Variants in MGAT5 observed in about 807,000 individuals in gnomAD.
The protein encoded by MGAT5 is alpha-1,6-mannosylglycoprotein 6-beta-N-acetylglucosaminyltransferase A.
In MGAT5, 30 loss-of-function variants were observed where a neutral mutation model predicts 94.3. That is an observed-to-expected ratio of 0.32 (90% CI 0.24 to 0.43). MGAT5 has a LOEUF of 0.43. Ranked by LOEUF, MGAT5 falls within the 20% of genes least tolerant of loss-of-function variation. The pLI is 1.00. For missense variants in MGAT5, 691 were observed against 905.5 expected (o/e 0.76, Z 3.04); for synonymous variants, 310 against 322.9 (o/e 0.96, Z 0.43).
chr2:134,374,453 C>T (rs890459273), intron 10 of MGAT5, among the ~76,000 whole-genome samples: 1 of 152,140 alleles, frequency 6.6e-6, no homozygotes, highest in South Asian at 2.1e-4. Flanking sequence ...TGGGAGCAGA[C>T]TTTACAATGT....
chr2:134,241,158 T>C lies in MGAT5; in HGVS notation c.-142-13104T>C, dbSNP rs143397046. Reference sequence around the variant, plus strand: ...TGGCTGAGCATCTGTGGGTGGGCTCTGCCCATATAACCCGTGGGAGCAGGA... The same window carrying C: ...TGGCTGAGCATCTGTGGGTGGGCTCCGCCCATATAACCCGTGGGAGCAGGA... On this transcript the variant is annotated intron_variant, in intron 1 of 16. Coordinates refer to the MGAT5 transcript ENST00000409645. Among the ~76,000 whole-genome samples the C allele has an allele frequency of 7.7e-4, 118 of 152,380 alleles. 1 individual carries two copies. Among genetic ancestry groups the C allele is most frequent in the African/African-American group, 2.8e-3 (116 of 41,600 alleles).
chr2:134,420,747 T>A (rs1360792330), intron 12 of MGAT5, among the ~76,000 whole-genome samples: 1 of 152,168 alleles, frequency 6.6e-6, no homozygotes, highest in Non-Finnish European at 1.5e-5. Context: ...GTTATAAATA[T>A]GAGATGAAAT....
intron 1 of MGAT5, among the ~76,000 whole-genome samples, chr2:134,149,784 C>A (rs539844057): frequency 6.6e-6 from 1 of 152,182 alleles, no homozygotes; most frequent in South Asian, 2.1e-4. Flanking sequence ...CACCAAGGCA[C>A]TAACAGCAGT....
At chr2:134,338,449 A>G in intron 6 of MGAT5, 29 bp downstream of exon 6, 1 of 1,557,164 alleles carries the variant, frequency 6.4e-7, no homozygotes, top group Non-Finnish European at 8.7e-7. Flanking sequence ...CAGTGCAGTT[A>G]GATGCCAGCT....
intron 2 of MGAT5, among the ~76,000 whole-genome samples, chr2:134,305,975 G>A (rs1223176616): frequency 1.3e-5 from 2 of 152,020 alleles, no homozygotes; most frequent in African/African-American, 4.8e-5. Context: ...GACAGCTGAG[G>A]TTGTCTCAGT....
At chr2:134,363,147 T>TTAGAAGA (rs1203793486) in intron 10 of MGAT5, among the ~76,000 whole-genome samples, 1 of 152,224 alleles carries the variant, frequency 6.6e-6, no homozygotes, top group Admixed American at 6.5e-5. Context: ...GGAAATGTTT[T>TTAGAAGA]TAGAAGATAG....
chr2:134,140,766 C>T lies in MGAT5; in HGVS notation c.-143+20475C>T, dbSNP rs920256023. 5.3e-5 allele frequency among the ~76,000 whole-genome samples: 8 copies of T among 151,924 alleles called. No individual in the cohort carries two copies. The South Asian group carries it at 1.7e-3, about 31-fold the overall frequency. ...GAAATACATTAGCAAAATGAATTAG[C>T]AGGAAAAAAAAGTGCTAGCTGGGCA... On this transcript the variant is annotated intron_variant, in intron 1 of 16. Transcript: ENST00000409645.
At chr2:134,193,950 C>G (rs988464352) in intron 1 of MGAT5, among the ~76,000 whole-genome samples, 5 of 152,198 alleles carry the variant, frequency 3.3e-5, no homozygotes, top group Middle Eastern at 3.4e-3. Flanking sequence ...CAGAATTGAC[C>G]CTGAGCGATA....
chr2:134,181,126 A>G (rs956791478), intron 1 of MGAT5, among the ~76,000 whole-genome samples: 2 of 152,154 alleles, frequency 1.3e-5, no homozygotes, highest in Non-Finnish European at 2.9e-5. Flanking sequence ...TACTCTTCCA[A>G]AGATGTTCTA....
intron 1 of MGAT5, among the ~76,000 whole-genome samples, chr2:134,225,366 G>A (rs1363933089): frequency 1.3e-5 from 2 of 152,160 alleles, no homozygotes; most frequent in Non-Finnish European, 2.9e-5. Context: ...ATCCTCACAC[G>A]AGTCACACAA....
chr2:134,443,924 G>A (rs1236191734), intron 15 of MGAT5, among the ~76,000 whole-genome samples: 7 of 152,170 alleles, frequency 4.6e-5, no homozygotes, highest in African/African-American at 4.8e-5. Flanking sequence ...TGAACAGCAC[G>A]GCTTCCTTCC....
In MGAT5 at chr2:134,403,056, C is replaced by T; in HGVS notation, c.1449C>T (p.Ser483=). 2 of 1,612,808 alleles carry T rather than the reference C, an allele frequency of 1.2e-6. No individual in the cohort carries two copies. The highest frequency in any genetic ancestry group is 1.7e-5 in the Admixed American group (1 of 59,448). The change falls in exon 11 of 16, where the codon AGC becomes AGT. Residue 483 remains serine, a synonymous_variant. Coordinates refer to ENST00000281923, the MANE Select transcript of MGAT5 (RefSeq NM_002410.5). Reference sequence around the variant, plus strand: ...TGCATGCAACTGTTTATGGCTCCAGCACAAAGAATATTCCCAGTTACGTGA... The same window carrying T: ...TGCATGCAACTGTTTATGGCTCCAGTACAAAGAATATTCCCAGTTACGTGA... ...MEVHATVYGS[S]TKNIPSYVKN...
intron 1 of MGAT5, among the ~76,000 whole-genome samples, chr2:134,169,526 T>G (rs1389618475): frequency 6.6e-6 from 1 of 152,076 alleles, no homozygotes; most frequent in African/African-American, 2.4e-5. Flanking sequence ...GGAAGAAAAT[T>G]ACAGCATAAT....
intron 10 of MGAT5, among the ~76,000 whole-genome samples, chr2:134,396,174 C>T (rs966749883): frequency 3.3e-5 from 5 of 152,132 alleles, no homozygotes; most frequent in Admixed American, 1.3e-4. Context: ...CAGAGCCCCA[C>T]AAGGTTTGAG....
intron 2 of MGAT5, among the ~76,000 whole-genome samples, chr2:134,316,689 T>C (rs62168005): frequency 0.022 from 3,396 of 152,258 alleles, 60 homozygotes; most frequent in Middle Eastern, 0.051. Flanking sequence ...TCTCAAACAT[T>C]TCTCATTTCT....
intron 2 of MGAT5, among the ~76,000 whole-genome samples, chr2:134,303,167 T>C (rs763054883): frequency 2.6e-5 from 4 of 152,184 alleles, no homozygotes; most frequent in African/African-American, 4.8e-5. Flanking sequence ...TTTTTGTTTT[T>C]CAAATTTACT....
chr2:134,417,368 C>T (rs1035495376), intron 12 of MGAT5, among the ~76,000 whole-genome samples: 2 of 151,982 alleles, frequency 1.3e-5, no homozygotes, highest in African/African-American at 4.8e-5. Flanking sequence ...GTTTTTCCAC[C>T]GAGATCCTTT....
rs545916893 is a variant in MGAT5, at chr2:134,199,653, TTC to T, written c.-142-54605_-142-54604del. On this transcript the variant is annotated intron_variant, in intron 1 of 16. Coordinates refer to the MGAT5 transcript ENST00000409645. ...TCTCTGTCAGTATTCCATGATTTTT[TTC>T]TCTGACTTTTGGATGACTTGAATAC... Among the ~76,000 whole-genome samples the T allele has an allele frequency of 3.9e-5, 6 of 152,336 alleles. No individual in the cohort carries two copies. The South Asian group carries it at 6.2e-4, about 16-fold the overall frequency.
At chr2:134,136,490 C>G (rs944784056) in intron 1 of MGAT5, among the ~76,000 whole-genome samples, 3 of 152,102 alleles carry the variant, frequency 2.0e-5, no homozygotes, top group Admixed American at 2.0e-4. Context: ...TCACTTGAAT[C>G]CCAGAGGCAA....
Sources: allele counts gnomAD v4.1 joint callset (sites outside exome capture counted in the v4.1 genomes callset), GRCh38; gene constraint gnomAD v4.1.1; transcripts MANE v1.5; gene names NCBI Gene and HGNC (gene_info 2026-07-23, HGNC 2026-07-21).